PRH1: variants seen among roughly 807,000 people sequenced by gnomAD.
PRH1 encodes the protein proline rich protein HaeIII subfamily 1.
A neutral mutation model predicts 7.9 loss-of-function variants in PRH1; 7 were observed. The ratio of observed to expected loss-of-function variants is 0.89; its 90% CI spans 0.50 to 1.67. The LOEUF (loss-of-function observed/expected upper bound fraction) is 1.67. Among genes scored for constraint, PRH1 ranks in the 40% most tolerant of loss-of-function variants. The pLI is 0.00. For missense variants in PRH1, 109 were observed against 223.6 expected, an observed-to-expected ratio of 0.49 and a Z score of 3.27; for synonymous variants, 45 against 80.8, an observed-to-expected ratio of 0.56 and a Z score of 2.38.
chr12:11,032,383 T>A (rs1412887725), intron 1 of PRH1, among the ~76,000 whole-genome samples: 1 of 152,218 alleles, frequency 6.6e-6, no homozygotes, highest in African/African-American at 2.4e-5. Context: ...ACTGCTTTTA[T>A]CAAAGGCATC....
At chr12:11,149,355 C>T (rs886817194) in intron 1 of PRH1, among the ~76,000 whole-genome samples, 2 of 152,080 alleles carry the variant, frequency 1.3e-5, no homozygotes, top group African/African-American at 4.8e-5. Flanking sequence ...CTCTTGCTTT[C>T]GCCAAGTCAA....
chr12:11,120,439 C>T (rs954676208), downstream of PRH1, among the ~76,000 whole-genome samples: 11 of 152,160 alleles, frequency 7.2e-5, no homozygotes, highest in African/African-American at 2.7e-4. Context: ...CTCCTGATCT[C>T]CTGCGGCTCA....
intron 1 of PRH1, chr12:10,996,869 T>C: frequency 7.0e-7 from 1 of 1,422,078 alleles, no homozygotes; most frequent in South Asian, 1.6e-5. Flanking sequence ...ACGGAAAAAC[T>C]TGTGGGAAAT....
chr12:11,085,418 G>A (rs371679426), intron 1 of PRH1, among the ~76,000 whole-genome samples: 35,984 of 93,174 alleles, frequency 0.39, 4,383 homozygotes, highest in Non-Finnish European at 0.48. Context: ...GAAAAAAATG[G>A]TTAGTAGTAA....
At chr12:10,942,159 G>A (rs1950411864) in intron 2 of PRH1, among the ~76,000 whole-genome samples, 1 of 152,132 alleles carries the variant, frequency 6.6e-6, no homozygotes, top group African/African-American at 2.4e-5. Context: ...AGGGTTCTTA[G>A]CTTTGGGAGT....
At chr12:11,034,932 T>G (rs979132921) in intron 1 of PRH1, 4 of 152,442 alleles carry the variant, frequency 2.6e-5, no homozygotes, top group Non-Finnish European at 5.9e-5. Context: ...ATTTTTCTTC[T>G]ATCTGAAAAG....
chr12:11,131,148 G>A (rs1431604358), intron 1 of PRH1, among the ~76,000 whole-genome samples: 1 of 152,194 alleles, frequency 6.6e-6, no homozygotes, highest in East Asian at 1.9e-4. Flanking sequence ...TGGCCAAGGG[G>A]AAACAGAAGA....
chr12:11,042,501 A>C (rs566703391), intron 1 of PRH1, among the ~76,000 whole-genome samples: 1 of 150,998 alleles, frequency 6.6e-6, no homozygotes, highest in Admixed American at 6.6e-5. Context: ...AAAAAAAAAA[A>C]AAAAAGCCTG....
intron 2 of PRH1, among the ~76,000 whole-genome samples, chr12:10,944,902 T>G (rs1363130931): frequency 6.6e-6 from 1 of 152,200 alleles, no homozygotes; most frequent in Non-Finnish European, 1.5e-5. Flanking sequence ...CATGCCAGGA[T>G]GAGGCCTATT....
At chr12:10,998,641 G>C (rs979995694) in intron 1 of PRH1, among the ~76,000 whole-genome samples, 1 of 151,972 alleles carries the variant, frequency 6.6e-6, no homozygotes, top group Non-Finnish European at 1.5e-5. Flanking sequence ...GGTGGAATTA[G>C]TCCTATTTTT....
At chr12:11,167,577 T>C (rs967746147) in intron 1 of PRH1, among the ~76,000 whole-genome samples, 1 of 151,880 alleles carries the variant, frequency 6.6e-6, no homozygotes, top group African/African-American at 2.4e-5. Context: ...CCCGAGTAGG[T>C]GGGACTACAG....
At chr12:11,150,383 C>T (rs1565706813) in intron 1 of PRH1, among the ~76,000 whole-genome samples, 2 of 152,072 alleles carry the variant, frequency 1.3e-5, no homozygotes, top group South Asian at 2.1e-4. Context: ...ATGTTTATTG[C>T]AGCACTATTC....
intron 1 of PRH1, among the ~76,000 whole-genome samples, chr12:10,981,166 T>C (rs1395827874): frequency 1.3e-5 from 2 of 152,150 alleles, no homozygotes; most frequent in Non-Finnish European, 2.9e-5. Context: ...GAAAATGCAC[T>C]GCAAGAACAC....
At chr12:10,998,640 A>C (rs966520604) in intron 1 of PRH1, among the ~76,000 whole-genome samples, 2 of 152,092 alleles carry the variant, frequency 1.3e-5, no homozygotes, top group Non-Finnish European at 2.9e-5. Context: ...TGGTGGAATT[A>C]GTCCTATTTT....
intron 1 of PRH1, among the ~76,000 whole-genome samples, chr12:11,121,567 A>T (rs560078263): frequency 6.6e-6 from 1 of 152,332 alleles, no homozygotes; most frequent in East Asian, 1.9e-4. Context: ...TACACATAAA[A>T]AATTATAACA....
At chr12:11,064,831 G>A (rs1388463987) in intron 1 of PRH1, among the ~76,000 whole-genome samples, 1 of 152,040 alleles carries the variant, frequency 6.6e-6, no homozygotes, top group Middle Eastern at 3.4e-3. Context: ...CATTTTGTAA[G>A]GCTGAGTCAG....
chr12:11,029,140 T>TG (rs1565569287), intron 1 of PRH1, among the ~76,000 whole-genome samples: 1 of 151,696 alleles, frequency 6.6e-6, no homozygotes, highest in Non-Finnish European at 1.5e-5. Flanking sequence ...ACAAATCAGG[T>TG]GGGGGGATGA....
At chr12:10,959,196 G>GA (rs747560765) in intron 2 of PRH1, among the ~76,000 whole-genome samples, 1 of 152,112 alleles carries the variant, frequency 6.6e-6, no homozygotes, top group Non-Finnish European at 1.5e-5. Flanking sequence ...CTGAAAGTCT[G>GA]AAGTGGTCAT....
chr12:11,030,036 G>C (rs1398866854), intron 1 of PRH1, among the ~76,000 whole-genome samples: 2 of 152,114 alleles, frequency 1.3e-5, no homozygotes, highest in Admixed American at 6.5e-5. Flanking sequence ...GGGATAAGCT[G>C]TTACTTCTTA....
Sources: allele counts gnomAD v4.1 joint callset (sites outside exome capture counted in the v4.1 genomes callset), GRCh38; gene constraint gnomAD v4.1.1; transcripts MANE v1.5; gene names NCBI Gene and HGNC (gene_info 2026-07-23, HGNC 2026-07-21).